The following TMEM108 variants were observed in gnomAD, a reference collection of about 807,000 sequenced individuals.
TMEM108 encodes cancer/testis antigen 124.
TMEM108 carries 12 observed loss-of-function variants against 35.1 expected under a neutral mutation model. The ratio of observed to expected loss-of-function variants is 0.34; its 90% CI spans 0.22 to 0.55. The LOEUF (loss-of-function observed/expected upper bound fraction) is 0.55. Among genes scored for constraint, TMEM108 ranks in the 20% least tolerant of loss-of-function variants. The probability of loss-of-function intolerance (pLI) is 0.89; values close to 1 mark genes in which losing one functional copy is unlikely to be tolerated. For synonymous variants in TMEM108, 287 were observed against 308.6 expected (o/e 0.93, Z 0.73); for missense variants, 680 against 753.3 (o/e 0.90, Z 1.14).
At chr3:133,083,368 A>G (rs1559827148) in intron 2 of TMEM108, among the ~76,000 whole-genome samples, 1 of 152,126 alleles carries the variant, frequency 6.6e-6, no homozygotes, top group African/African-American at 2.4e-5. Context: ...ATTGAGACAG[A>G]TGAGAGAGTT....
chr3:133,282,281 T>C (rs1576430815), intron 3 of TMEM108, among the ~76,000 whole-genome samples: 2 of 152,388 alleles, frequency 1.3e-5, no homozygotes, highest in East Asian at 3.9e-4. Flanking sequence ...TTTGCTGCTT[T>C]TCTTTGAGGT....
chr3:133,154,868 TA>T lies in TMEM108; in HGVS notation c.-46-74390del, dbSNP rs554544969. Among the ~76,000 whole-genome samples the T allele has an allele frequency of 7.4e-3, 1,063 of 143,982 alleles. 11 individuals carry two copies. Among genetic ancestry groups the T allele is most frequent in the African/African-American group, 0.029 (988 of 33,772 alleles). The allele number at this position is 143,982 out of a possible 152,430, so 94.5% of individuals were successfully genotyped here. A position where few individuals can be genotyped will look rare whatever the true frequency, so the allele number is the denominator to read the frequency against. ...GTAAAACTTAAAGTATAATAATAAT[TA>T]AAAAAAATTATTTTAACTTTCATTT... On this transcript the variant is annotated intron_variant, in intron 2 of 5. Coordinates refer to ENST00000321871, the MANE Select transcript of TMEM108 (RefSeq NM_023943.4).
At chr3:133,256,245 C>T (rs142586592) in intron 3 of TMEM108, among the ~76,000 whole-genome samples, 17 of 152,158 alleles carry the variant, frequency 1.1e-4, no homozygotes, top group African/African-American at 2.4e-4. Flanking sequence ...CATTAAAGCA[C>T]GAGGGTAAAA....
intron 3 of TMEM108, chr3:133,253,457 A>G (rs1028280473): frequency 6.6e-6 from 1 of 152,208 alleles, no homozygotes; most frequent in Non-Finnish European, 1.5e-5. Flanking sequence ...TTTGCCCTAA[A>G]AAAACAACAA....
At chr3:133,067,170 T>TG (rs1402411837) in intron 2 of TMEM108, among the ~76,000 whole-genome samples, 1 of 152,196 alleles carries the variant, frequency 6.6e-6, no homozygotes, top group African/African-American at 2.4e-5. Flanking sequence ...TGTTGTGTCA[T>TG]GGGGATAATC....
intron 3 of TMEM108, among the ~76,000 whole-genome samples, chr3:133,325,808 A>T (rs1444473856): frequency 6.6e-6 from 1 of 151,598 alleles, no homozygotes; most frequent in Admixed American, 6.6e-5. Flanking sequence ...CAATATATGG[A>T]ATATGGCTGG....
intron 2 of TMEM108, among the ~76,000 whole-genome samples, chr3:133,198,749 C>G (rs1190109607): frequency 2.0e-5 from 3 of 152,136 alleles, no homozygotes; most frequent in Non-Finnish European, 4.4e-5. Context: ...AAGATTTCCT[C>G]TATTATGTGT....
At chr3:133,243,577 G>C (rs1375971524) in intron 3 of TMEM108, among the ~76,000 whole-genome samples, 1 of 151,958 alleles carries the variant, frequency 6.6e-6, no homozygotes, top group Non-Finnish European at 1.5e-5. Flanking sequence ...CTGGAGTAGA[G>C]TGGCGCGATC....
At chr3:133,312,238 A>G (rs1006887332) in intron 3 of TMEM108, among the ~76,000 whole-genome samples, 2 of 152,234 alleles carry the variant, frequency 1.3e-5, no homozygotes, top group Non-Finnish European at 2.9e-5. Flanking sequence ...CTCAAACACC[A>G]TACTGGCAGA....
At chr3:133,098,263 A>G (rs1944042025) in intron 2 of TMEM108, among the ~76,000 whole-genome samples, 1 of 152,148 alleles carries the variant, frequency 6.6e-6, no homozygotes, top group Admixed American at 6.5e-5. Context: ...CCCCAGATAA[A>G]CCAATCAGAT....
intron 3 of TMEM108, among the ~76,000 whole-genome samples, chr3:133,242,724 T>A (rs1457515928): frequency 6.6e-6 from 1 of 152,184 alleles, no homozygotes; most frequent in African/African-American, 2.4e-5. Flanking sequence ...GAGGCAAGAA[T>A]GAGAATCCCC....
intron 3 of TMEM108, among the ~76,000 whole-genome samples, chr3:133,288,898 G>A (rs2107693621): frequency 6.6e-6 from 1 of 152,068 alleles, no homozygotes; most frequent in South Asian, 2.1e-4. Flanking sequence ...ACCACACCTG[G>A]CTAATTTTTG....
chr3:133,125,686 G>A (rs904415869), intron 2 of TMEM108, among the ~76,000 whole-genome samples: 1 of 151,984 alleles, frequency 6.6e-6, no homozygotes, highest in South Asian at 2.1e-4. Flanking sequence ...TTTCTTTAAC[G>A]GATAAAGTTT....
At chr3:133,115,324 A>G (rs535202507) in intron 2 of TMEM108, among the ~76,000 whole-genome samples, 2 of 152,352 alleles carry the variant, frequency 1.3e-5, no homozygotes, top group Admixed American at 6.5e-5. Context: ...CTGACTAATA[A>G]TAATATTAAT....
chr3:133,271,588 G>C (rs1331726446), intron 3 of TMEM108, among the ~76,000 whole-genome samples: 1 of 152,194 alleles, frequency 6.6e-6, no homozygotes, highest in Non-Finnish European at 1.5e-5. Context: ...GGAATTAACA[G>C]TATGGTGGCT....
chr3:133,272,331 T>C (rs529745525), intron 3 of TMEM108, among the ~76,000 whole-genome samples: 1 of 149,046 alleles, frequency 6.7e-6, no homozygotes, highest in African/African-American at 2.5e-5. Flanking sequence ...GGAGGACTTA[T>C]TTTAATATCT....
At chr3:133,329,151 C>A (rs191294415) in intron 3 of TMEM108, among the ~76,000 whole-genome samples, 20 of 151,968 alleles carry the variant, frequency 1.3e-4, no homozygotes, top group Non-Finnish European at 2.8e-4. Context: ...TATGTGGCAA[C>A]ACTAGTACTT....
chr3:133,054,631 G>A (rs184276265), intron 2 of TMEM108, among the ~76,000 whole-genome samples: 3 of 152,310 alleles, frequency 2.0e-5, no homozygotes, highest in Admixed American at 2.0e-4. Flanking sequence ...TGAACTTGGA[G>A]CATTAGTTTC....
chr3:133,073,516 A>C (rs201619052), intron 2 of TMEM108, among the ~76,000 whole-genome samples: 1,431 of 68,676 alleles, frequency 0.021, 18 homozygotes, highest in African/African-American at 0.057. Context: ...CTCTCTATAT[A>C]TATATATATA....
Sources: gnomAD v4.1 joint callset for allele counts (sites outside exome capture counted in the v4.1 genomes callset) on GRCh38, gnomAD v4.1.1 for gene constraint, MANE v1.5 for transcripts, NCBI Gene and HGNC (gene_info 2026-07-23, HGNC 2026-07-21) for gene names.